KAT14: variants seen among roughly 807,000 people sequenced by gnomAD.
The protein encoded by KAT14 is lysine acetyltransferase 14, also known as cysteine-rich protein 2-binding protein.
KAT14 carries 66 observed loss-of-function variants against 78.4 expected under a neutral mutation model. That is an observed-to-expected ratio of 0.84 (90% CI 0.69 to 1.03). The LOEUF (loss-of-function observed/expected upper bound fraction) is 1.03, where lower values mean the gene tolerates loss of function less well. Ranked by LOEUF, KAT14 falls within the 50% of genes least tolerant of loss-of-function variation. The pLI is 0.00. For missense variants in KAT14, 870 were observed against 972.5 expected (o/e 0.89, Z 1.40); for synonymous variants, 344 against 359.4 (o/e 0.96, Z 0.48).
At chr20:18,144,928 T>C (rs1244113613) in intron 2 of KAT14, among the ~76,000 whole-genome samples, 1 of 152,112 alleles carries the variant, frequency 6.6e-6, no homozygotes, top group Non-Finnish European at 1.5e-5. Flanking sequence ...TGAAAGAATG[T>C]GTGAAGAGAC....
At chr20:18,184,181 G>A (rs2039367712) in intron 9 of KAT14, among the ~76,000 whole-genome samples, 1 of 152,188 alleles carries the variant, frequency 6.6e-6, no homozygotes, top group Non-Finnish European at 1.5e-5. Context: ...TGTGTGGGGG[G>A]TAAAGGATGT....
At chr20:18,178,055 C>G (rs13043432) in intron 7 of KAT14, among the ~76,000 whole-genome samples, 12,342 of 151,394 alleles carry the variant, frequency 0.082, 720 homozygotes, top group East Asian at 0.26. Flanking sequence ...TTGTAGTGAG[C>G]CAAGATCGCA....
intron 7 of KAT14, among the ~76,000 whole-genome samples, chr20:18,170,728 G>A (rs1038038240): frequency 3.3e-5 from 5 of 152,038 alleles, no homozygotes; most frequent in African/African-American, 1.2e-4. Context: ...TAGTAGAGAC[G>A]GGATTTCACC....
intron 2 of KAT14, among the ~76,000 whole-genome samples, chr20:18,143,615 A>AG (rs2037678382): frequency 9.6e-6 from 1 of 103,998 alleles, no homozygotes; most frequent in Non-Finnish European, 2.0e-5. Flanking sequence ...CACCTGGCTA[A>AG]TTTTTTTTTT....
intron 4 of KAT14, 103 bp downstream of exon 4, chr20:18,151,045 AT>A: frequency 1.4e-6 from 2 of 1,461,014 alleles, no homozygotes; most frequent in Non-Finnish European, 9.2e-7. Context: ...ATTTATTTTA[AT>A]TTTTTTGAGA....
chr20:18,139,455 T>C (rs900762305), intron 1 of KAT14, among the ~76,000 whole-genome samples: 3 of 152,172 alleles, frequency 2.0e-5, no homozygotes, highest in African/African-American at 7.2e-5. Flanking sequence ...GTTTTTACAA[T>C]GTGACTAAGG....
At position 18,142,759 on chromosome 20, in the gene KAT14, G is replaced by A; in HGVS notation, c.99G>A (p.Glu33=). Residue 33 remains glutamate, a synonymous_variant, in exon 2 of 11, where the codon GAG becomes GAA. Transcript: ENST00000688188. The part of the protein sequence containing the change: ...TSEGLEEGEV[E]GETLLIVESE... The stretch of plus-strand genomic sequence containing the variant: ...AAGGACTGGAGGAAGGTGAAGTGGA[G>A]GGAGAGACGCTCCTGATCGTCGAAT... The A allele has an allele frequency of 6.2e-7, 1 of 1,614,228 alleles. No individual in the cohort carries two copies. The highest frequency in any genetic ancestry group is 1.6e-4 in the Middle Eastern group (1 of 6,062).
At chr20:18,165,260 A>G (rs2038598577) in intron 7 of KAT14, among the ~76,000 whole-genome samples, 1 of 152,206 alleles carries the variant, frequency 6.6e-6, no homozygotes, top group Non-Finnish European at 1.5e-5. Context: ...TAGCTGTGTA[A>G]GTAAATTGCC....
In KAT14 at chr20:18,158,626, T is replaced by C. The variant is rs558871684; in HGVS notation, c.501-458T>C. ...GATGTGTGCTACTCCTCGGGTAAAA[T>C]GAGGTATTTACTGGAGCCAGTTAAC... On this transcript the variant is annotated intron_variant, in intron 4 of 10. Transcript: ENST00000688188. Among the ~76,000 whole-genome samples, 5 of 152,282 alleles carry C rather than the reference T, an allele frequency of 3.3e-5. No homozygotes were observed. In the East Asian group the frequency reaches 9.7e-4, roughly 29 times the overall value.
chr20:18,166,237 G>T (rs1195731112), intron 7 of KAT14, among the ~76,000 whole-genome samples: 1 of 152,180 alleles, frequency 6.6e-6, no homozygotes, highest in Admixed American at 6.5e-5. Flanking sequence ...CACTTGGGTC[G>T]TCCTTACTGC....
In KAT14 at chr20:18,159,307, G is replaced by C. The variant is rs79853132; in HGVS notation, c.682+42G>C. The C allele has an allele frequency of 3.7e-4, 583 of 1,594,254 alleles. 2 individuals are homozygous for C. In the East Asian group the frequency reaches 0.01, roughly 28 times the overall value. The stretch of plus-strand genomic sequence containing the variant: ...AGTACAAAAGTTGCTAGTCAGACCA[G>C]AGCCAAGCAGGTGTGAGCCCAGGAG... On this transcript the variant is annotated intron_variant, in intron 5 of 10. Transcript: ENST00000688188.
chr20:18,169,825 C>T (rs2038785009), intron 7 of KAT14, among the ~76,000 whole-genome samples: 1 of 152,160 alleles, frequency 6.6e-6, no homozygotes, highest in Non-Finnish European at 1.5e-5. Flanking sequence ...GGTGTGAATG[C>T]AAAGGAAAAG....
rs762890490 is a variant in KAT14 at position 18,181,364 on chromosome 20, C to CTTTTTTTTTTTT, written c.1669-335_1669-324dup. Among the ~76,000 whole-genome samples, 79 of 106,802 alleles carry CTTTTTTTTTTTT rather than the reference C, an allele frequency of 7.4e-4. 2 individuals are homozygous for CTTTTTTTTTTTT. Among genetic ancestry groups the CTTTTTTTTTTTT allele is most frequent in the African/African-American group, 2.5e-3 (68 of 27,064 alleles). The allele number at this position is 106,802 out of a possible 152,430, so 70.1% of individuals were successfully genotyped here. ...ACCAATCCTCAGAGTAATTTTGTTTCTTTTTTTTTTTTTTTTTTTTTTGAG... is the reference window on the plus strand; with the variant it reads ...ACCAATCCTCAGAGTAATTTTGTTTCTTTTTTTTTTTTTTTTTTTTTTTTTTTTTTTTTTGAG... On this transcript the variant is annotated intron_variant, in intron 7 of 10. Coordinates refer to ENST00000688188, the MANE Select transcript of KAT14 (RefSeq NM_001392073.1).
chr20:18,159,305 C>T (rs745644064), intron 5 of KAT14, 40 bp downstream of exon 5: 1 of 1,593,746 alleles, frequency 6.3e-7, no homozygotes. Flanking sequence ...CTAGTCAGAC[C>T]AGAGCCAAGC....
intron 7 of KAT14, among the ~76,000 whole-genome samples, chr20:18,167,217 G>GCTGCTGC (rs1223182239): frequency 6.6e-6 from 1 of 152,180 alleles, no homozygotes; most frequent in Non-Finnish European, 1.5e-5. Context: ...GAATCTGCTG[G>GCTGCTGC]CTGCTGCCTG....
rs771604234 is a variant in KAT14, at chr20:18,142,667, A to G, written c.7A>G (p.Ser3Gly). The G allele has an allele frequency of 6.8e-6, 11 of 1,614,174 alleles. No homozygotes were observed. The highest frequency in any genetic ancestry group is 6.7e-5 in the East Asian group (3 of 44,878). MD[S>G]SIHLSSLISR... Reference sequence around the variant, plus strand: ...AGCTTGTGAGAAGGAAGGGATGGATAGTAGCATCCACCTGAGTAGTCTGAT... The same window carrying G: ...AGCTTGTGAGAAGGAAGGGATGGATGGTAGCATCCACCTGAGTAGTCTGAT... Residue 3 changes from serine to glycine, a missense_variant, in exon 2 of 11, where the codon AGT becomes GGT. Physicochemically the swap from Ser to Gly is moderately conservative, Grantham distance 56 (BLOSUM62 0). Transcript: ENST00000688188.
At chr20:18,143,072 TA>T in intron 2 of KAT14, 153 bp downstream of exon 2, 1 of 1,419,946 alleles carries the variant, frequency 7.0e-7, no homozygotes, top group Non-Finnish European at 9.2e-7. Flanking sequence ...ATATAAAACA[TA>T]GGCATGTTTG....
At chr20:18,170,470 A>G (rs1288318897) in intron 7 of KAT14, among the ~76,000 whole-genome samples, 1 of 152,240 alleles carries the variant, frequency 6.6e-6, no homozygotes, top group Non-Finnish European at 1.5e-5. Context: ...ATGACAGCAT[A>G]TCTGTTTACA....
At chr20:18,167,057 T>C (rs1018829535) in intron 7 of KAT14, among the ~76,000 whole-genome samples, 4 of 152,200 alleles carry the variant, frequency 2.6e-5, no homozygotes, top group African/African-American at 9.6e-5. Flanking sequence ...CTGGATCCCC[T>C]GTTAGTTCTC....
Sources: allele counts gnomAD v4.1 joint callset (sites outside exome capture counted in the v4.1 genomes callset), GRCh38; gene constraint gnomAD v4.1.1; transcripts MANE v1.5; gene names NCBI Gene and HGNC (gene_info 2026-07-23, HGNC 2026-07-21).